Variants in MARCHF1 observed in about 807,000 individuals in gnomAD.
MARCHF1 encodes the protein membrane associated ring-CH-type finger 1, also known as E3 ubiquitin-protein ligase MARCHF1.
A neutral mutation model predicts 54.2 loss-of-function variants in MARCHF1; 40 were observed. The observed-to-expected ratio is 0.74, with a 90% CI of 0.57 to 0.96. MARCHF1 has a LOEUF of 0.96. Among genes scored for constraint, MARCHF1 ranks in the 40% least tolerant of loss-of-function variants. The pLI is 0.00. For synonymous variants in MARCHF1, 236 were observed against 236.3 expected (o/e 1.00, Z 0.01); for missense variants, 586 against 656.5 (o/e 0.89, Z 1.17).
At chr4:163,968,998 A>G (rs1473594841) in intron 3 of MARCHF1, among the ~76,000 whole-genome samples, 1 of 152,180 alleles carries the variant, frequency 6.6e-6, no homozygotes, top group Non-Finnish European at 1.5e-5. Flanking sequence ...CAGAGCTCAT[A>G]AAGAAGCCAA....
chr4:164,197,278 T>G (rs1372225835), intron 1 of MARCHF1: 10 of 1,611,504 alleles, frequency 6.2e-6, no homozygotes, highest in Non-Finnish European at 8.5e-6. Flanking sequence ...GTGGTCCCAG[T>G]AACAGCTGTC....
chr4:164,283,658 T>C (rs1734078919), intron 1 of MARCHF1, among the ~76,000 whole-genome samples: 1 of 150,822 alleles, frequency 6.6e-6, no homozygotes, highest in Admixed American at 6.7e-5. Flanking sequence ...GGCACTGTGG[T>C]TGCCAGTTAG....
In MARCHF1 at chr4:163,726,177, C is replaced by T. The variant is rs145323744; in HGVS notation, c.112-25314G>A. Reference sequence around the variant, plus strand: ...TTCATTTGTGGTGTTGTATATTCTACGGACTTTGACAAATGTATGATAACA... The same window carrying T: ...TTCATTTGTGGTGTTGTATATTCTATGGACTTTGACAAATGTATGATAACA... On this transcript the variant is annotated intron_variant, in intron 4 of 9. Coordinates refer to ENST00000514618, the MANE Select transcript of MARCHF1 (RefSeq NM_001394959.1). Among the ~76,000 whole-genome samples the T allele has an allele frequency of 8.5e-5, 13 of 152,252 alleles. No individual in the cohort carries two copies. In the East Asian group the frequency reaches 1.5e-3, roughly 18 times the overall value.
intron 4 of MARCHF1, among the ~76,000 whole-genome samples, chr4:163,813,932 G>T (rs192894016): frequency 6.6e-6 from 1 of 152,230 alleles, no homozygotes; most frequent in East Asian, 1.9e-4. Flanking sequence ...GTGGAAGGCT[G>T]TCCTGATGCA....
intron 4 of MARCHF1, among the ~76,000 whole-genome samples, chr4:163,766,169 C>T (rs768851080): frequency 5.9e-5 from 9 of 151,742 alleles, no homozygotes; most frequent in Admixed American, 1.3e-4. Flanking sequence ...GATATTTTTA[C>T]GCCAGAGGTG....
At chr4:164,253,417 C>A (rs1055374570) in intron 1 of MARCHF1, among the ~76,000 whole-genome samples, 1 of 151,990 alleles carries the variant, frequency 6.6e-6, no homozygotes, top group African/African-American at 2.4e-5. Context: ...AAAGTAAGCT[C>A]AATGAATTAA....
chr4:164,182,517 TTCCTTCCTTCCA>T (rs1382830269), intron 1 of MARCHF1, among the ~76,000 whole-genome samples: 18 of 151,918 alleles, frequency 1.2e-4, no homozygotes, highest in African/African-American at 2.2e-4. Context: ...CTCTCCTTCC[TTCCTTCCTTCCA>T]TCCTTCCTTC....
At chr4:164,038,440 T>C (rs1338802591) in intron 2 of MARCHF1, among the ~76,000 whole-genome samples, 1 of 151,982 alleles carries the variant, frequency 6.6e-6, no homozygotes, top group Non-Finnish European at 1.5e-5. Flanking sequence ...TTGCAGTGAG[T>C]GGAGATTGTG....
rs554313498 is a variant in MARCHF1, at chr4:163,752,326, G to T, written c.112-51463C>A. 3.9e-5 allele frequency among the ~76,000 whole-genome samples: 6 copies of T among 152,274 alleles called. No homozygotes were observed. In the South Asian group the frequency reaches 8.3e-4, roughly 21 times the overall value. On this transcript the variant is annotated intron_variant, in intron 4 of 9. Coordinates refer to ENST00000514618, the MANE Select transcript of MARCHF1 (RefSeq NM_001394959.1). ...AATTGTGAAACCTGTGGAGAAAAGAGTTCAACTTGGATGACATTATTCTAA... is the reference window on the plus strand; with the variant it reads ...AATTGTGAAACCTGTGGAGAAAAGATTTCAACTTGGATGACATTATTCTAA...
chr4:164,342,615 A>G (rs1729963398), intron 1 of MARCHF1, among the ~76,000 whole-genome samples: 1 of 152,096 alleles, frequency 6.6e-6, no homozygotes, highest in African/African-American at 2.4e-5. Context: ...ACTTCTGGGT[A>G]TATATCTACA....
chr4:164,288,841 T>C (rs894612104), intron 1 of MARCHF1, among the ~76,000 whole-genome samples: 5 of 152,088 alleles, frequency 3.3e-5, no homozygotes, highest in African/African-American at 9.7e-5. Flanking sequence ...TCAGAAATCT[T>C]TGGCATTTGT....
intron 1 of MARCHF1, among the ~76,000 whole-genome samples, chr4:164,314,848 T>A (rs1456845742): frequency 6.6e-6 from 1 of 152,190 alleles, no homozygotes; most frequent in East Asian, 1.9e-4. Flanking sequence ...TATGTTACTA[T>A]ATTAAGTAAA....
chr4:163,817,354 TATAC>T (rs1243826661), intron 4 of MARCHF1, among the ~76,000 whole-genome samples: 10 of 151,704 alleles, frequency 6.6e-5, no homozygotes, highest in South Asian at 2.1e-4. Flanking sequence ...CATATACACA[TATAC>T]ATACATACAT....
chr4:163,629,769 CGT>C (rs1314133505), intron 5 of MARCHF1, among the ~76,000 whole-genome samples: 1 of 152,104 alleles, frequency 6.6e-6, no homozygotes, highest in Non-Finnish European at 1.5e-5. Context: ...CACCGTGGCA[CGT>C]GTATAGCTAT....
chr4:164,176,970 C>CTA (rs1553989360), intron 1 of MARCHF1, among the ~76,000 whole-genome samples: 10 of 57,430 alleles, frequency 1.7e-4, no homozygotes, highest in African/African-American at 5.6e-4. Flanking sequence ...CTCTCTCTCT[C>CTA]TCTCTCTCTC....
chr4:164,177,806 GACACACAC>G (rs3059817), intron 1 of MARCHF1, among the ~76,000 whole-genome samples: 6 of 149,198 alleles, frequency 4.0e-5, no homozygotes, highest in Non-Finnish European at 9.0e-5. Context: ...GTATGAAAGA[GACACACAC>G]ACACACACAC....
chr4:163,795,377 A>T (rs1187213605), intron 4 of MARCHF1, among the ~76,000 whole-genome samples: 1 of 151,904 alleles, frequency 6.6e-6, no homozygotes, highest in Non-Finnish European at 1.5e-5. Context: ...TTACAGGCGC[A>T]CACCACCAGG....
At chr4:163,686,708 T>C (rs1744279531) in intron 5 of MARCHF1, among the ~76,000 whole-genome samples, 1 of 152,002 alleles carries the variant, frequency 6.6e-6, no homozygotes, top group African/African-American at 2.4e-5. Flanking sequence ...TATTTTTCCA[T>C]TAAAAATACA....
intron 3 of MARCHF1, among the ~76,000 whole-genome samples, chr4:163,975,756 G>A (rs1330224559): frequency 6.6e-6 from 1 of 152,148 alleles, no homozygotes; most frequent in African/African-American, 2.4e-5. Context: ...TGGATTCTGA[G>A]AATCATAAGG....
Sources: gnomAD v4.1 joint callset for allele counts (sites outside exome capture counted in the v4.1 genomes callset) on GRCh38, gnomAD v4.1.1 for gene constraint, MANE v1.5 for transcripts, NCBI Gene and HGNC (gene_info 2026-07-23, HGNC 2026-07-21) for gene names.